DNM2: variants seen among roughly 807,000 people sequenced by gnomAD.
DNM2 encodes the protein dynamin 2, also known as dynamin-2.
In DNM2, 15 loss-of-function variants were observed where a neutral mutation model predicts 99.0. The observed-to-expected ratio is 0.15, with a 90% CI of 0.10 to 0.23. The LOEUF is 0.23. Ranked by LOEUF, DNM2 falls within the 10% of genes least tolerant of loss-of-function variation. The probability of loss-of-function intolerance (pLI) is 1.00; values close to 1 mark genes in which losing one functional copy is unlikely to be tolerated. For synonymous variants in DNM2, 525 were observed against 481.2 expected, an observed-to-expected ratio of 1.09 and a Z score of -1.19; for missense variants, 742 against 1,189.4, an observed-to-expected ratio of 0.62 and a Z score of 5.53.
intron 7 of DNM2, among the ~76,000 whole-genome samples, chr19:10,790,309 G>GTTTGT (rs1423850219): frequency 1.3e-5 from 2 of 151,954 alleles, no homozygotes. Context: ...TTGTTTGTTT[G>GTTTGT]TTTGTTTTTG....
At chr19:10,806,503 A>G (rs1314843255) in intron 13 of DNM2, among the ~76,000 whole-genome samples, 1 of 152,138 alleles carries the variant, frequency 6.6e-6, no homozygotes, top group African/African-American at 2.4e-5. Context: ...TTAAAAATTA[A>G]TAATAGGCTG....
At chr19:10,829,680 G>A (rs2073266572) in intron 19 of DNM2, among the ~76,000 whole-genome samples, 1 of 152,172 alleles carries the variant, frequency 6.6e-6, no homozygotes, top group African/African-American at 2.4e-5. Flanking sequence ...GTTGTCCATT[G>A]AGGCCGTCGG....
At chr19:10,731,696 T>A (rs920983679) in intron 1 of DNM2, among the ~76,000 whole-genome samples, 6 of 152,172 alleles carry the variant, frequency 3.9e-5, no homozygotes, top group Admixed American at 3.9e-4. Flanking sequence ...GGACAGTGAC[T>A]GAGAGAGGCC....
Position 10,812,980 on chromosome 19 carries a change from G to A in DNM2, c.1671+603G>A, listed in dbSNP as rs1599604446. On this transcript the variant is annotated intron_variant, in intron 15 of 20. Transcript: ENST00000389253. This position sits in a 1 kb window ranked among gnomAD's most constrained non-coding sequence, Gnocchi z 4.0. ...CCTCCAGTGCCACTGTGACTGCCCC[G>A]TGCTCAAGAGAAGGGGCCATGCCCA... Among the ~76,000 whole-genome samples, 4 of 152,218 alleles carry A rather than the reference G, an allele frequency of 2.6e-5. No individual in the cohort carries two copies. The East Asian group carries it at 7.7e-4, about 29-fold the overall frequency.
chr19:10,802,207 C>T, intron 11 of DNM2, 81 bp from the exon 12 acceptor site: 2 of 1,496,418 alleles, frequency 1.3e-6, no homozygotes, highest in South Asian at 1.1e-5. Flanking sequence ...TCCCTGCTGG[C>T]AAGGCCAGGA....
chr19:10,736,169 G>A (rs1599443518), intron 1 of DNM2, among the ~76,000 whole-genome samples: 1 of 151,634 alleles, frequency 6.6e-6, no homozygotes, highest in East Asian at 1.9e-4. Flanking sequence ...GGAGACTGAG[G>A]CAGGAGAATC....
chr19:10,812,637 A>C lies in DNM2; in HGVS notation c.1671+260A>C, dbSNP rs930349299. 6.6e-6 allele frequency among the ~76,000 whole-genome samples: 1 copy of C among 152,166 alleles called. No homozygotes were observed. Among genetic ancestry groups the C allele is most frequent in the African/African-American group, 2.4e-5 (1 of 41,422 alleles). On this transcript the variant is annotated intron_variant, in intron 15 of 20. Coordinates refer to ENST00000389253, the MANE Select transcript of DNM2 (RefSeq NM_001005361.3). This position sits in a 1 kb window ranked among gnomAD's most constrained non-coding sequence, Gnocchi z 4.0. ...CCCCGTCTCTACTAAAATTGCAAAA[A>C]TTAGCCAGGAGTGGTGGCACGCGCC...
At chr19:10,752,424 A>C (rs1267926036) in intron 1 of DNM2, among the ~76,000 whole-genome samples, 1 of 152,186 alleles carries the variant, frequency 6.6e-6, no homozygotes, top group Non-Finnish European at 1.5e-5. Context: ...CCGTTGTCTG[A>C]GCTGGGCGCT....
intron 5 of DNM2, among the ~76,000 whole-genome samples, chr19:10,779,245 C>G (rs1052441734): frequency 5.3e-5 from 8 of 150,972 alleles, no homozygotes; most frequent in Non-Finnish European, 1.0e-4. Context: ...ATTTTTCAAG[C>G]ATTTTATTTT....
At chr19:10,736,320 CCTAGGCTGGTTTCAAACTA>C (rs1381092522) in intron 1 of DNM2, among the ~76,000 whole-genome samples, 1 of 151,880 alleles carries the variant, frequency 6.6e-6, no homozygotes, top group African/African-American at 2.4e-5. Context: ...CACAATGTTG[CCTAGGCTGGTTTCAAACTA>C]CTGGGCTGGT....
chr19:10,774,654 G>A (rs1467518436), intron 3 of DNM2, among the ~76,000 whole-genome samples: 11 of 150,992 alleles, frequency 7.3e-5, no homozygotes, highest in Non-Finnish European at 1.5e-4. Context: ...TCGAACTCCC[G>A]ACCTCAGGTG....
At chr19:10,759,601 C>A in intron 1 of DNM2, 137 bp from the exon 2 acceptor site, 1 of 1,000,904 alleles carries the variant, frequency 1.0e-6, no homozygotes, top group Non-Finnish European at 1.6e-6. Flanking sequence ...GAGCATTCCC[C>A]AGGGCCCAGC....
chr19:10,726,275 G>A (rs2069114449), intron 1 of DNM2, among the ~76,000 whole-genome samples: 1 of 151,478 alleles, frequency 6.6e-6, no homozygotes, highest in African/African-American at 2.4e-5. Context: ...TGCTCAGTTT[G>A]GTGTCAAACT....
rs147025725 is a variant in DNM2, at chr19:10,797,274, C to A, written c.1197-106C>A. On this transcript the variant is annotated intron_variant, in intron 9 of 20. Coordinates refer to ENST00000389253, the MANE Select transcript of DNM2 (RefSeq NM_001005361.3). ...CAGGCTCCCCCATGCATGGACTAAT[C>A]AGATGACTCTCGTTTCTTCTCTTCT... 4.4e-4 allele frequency: 665 copies of A among 1,506,324 alleles called. 6 individuals carry two copies. The African/African-American group carries it at 7.9e-3, about 18-fold the overall frequency. The allele number at this position is 1,506,324 out of a possible 1,614,324, so 93.3% of individuals were successfully genotyped here.
chr19:10,745,621 C>G (rs1330155798), intron 1 of DNM2, among the ~76,000 whole-genome samples: 1 of 152,158 alleles, frequency 6.6e-6, no homozygotes, highest in African/African-American at 2.4e-5. Flanking sequence ...CGCTTCAGCC[C>G]AGGAGTTTGA....
At chr19:10,782,844 G>A in intron 5 of DNM2, 116 bp from the exon 6 acceptor site, 1 of 1,404,848 alleles carries the variant, frequency 7.1e-7, no homozygotes, top group Non-Finnish European at 1.0e-6. Context: ...TGTTATGACA[G>A]CTGTGAGTGC....
At position 10,797,494 on chromosome 19, in the gene DNM2, G is replaced by A. The variant is rs142134806; in HGVS notation, c.1311G>A (p.Thr437=). 32 of 1,484,100 alleles carry A rather than the reference G, an allele frequency of 2.2e-5. No individual in the cohort carries two copies. Among genetic ancestry groups the A allele is most frequent in the African/African-American group, 5.9e-5 (3 of 50,754 alleles). The allele number at this position is 1,484,100 out of a possible 1,614,324, so 91.9% of individuals were successfully genotyped here. The change falls in exon 10 of 21, where the codon ACG becomes ACA. Residue 437 remains threonine (T), a synonymous_variant. Coordinates refer to ENST00000389253, the MANE Select transcript of DNM2 (RefSeq NM_001005361.3). ...ATCTCGTGGTCTCAGAGCTGGCCAC[G>A]GTCATAAAAAAGTGTGCCGAGAAGG... ...CVDLVVSELA[T]VIKKCAEKLS... is the part of the protein sequence containing the mutation.
At chr19:10,742,481 A>T (rs2069789639) in intron 1 of DNM2, among the ~76,000 whole-genome samples, 1 of 152,154 alleles carries the variant, frequency 6.6e-6, no homozygotes, top group Non-Finnish European at 1.5e-5. Context: ...CTGTTATCCC[A>T]ATTTCATAGA....
Position 10,796,340 on chromosome 19 carries a change from C to G in DNM2, c.1196+901C>G. ...CTTTGTGTCCGTGAACTTGGCCTCT[C>G]CCCAGAGGCTGGGGCAGGAGCATGT... On this transcript the variant is annotated intron_variant, in intron 9 of 20. Coordinates refer to ENST00000389253, the MANE Select transcript of DNM2 (RefSeq NM_001005361.3). The surrounding 1 kb of genome is among the most constrained non-coding windows in gnomAD (Gnocchi z 5.6). The G allele has an allele frequency of 3.1e-6, 4 of 1,302,018 alleles. No homozygotes were observed. The highest frequency in any genetic ancestry group is 3.3e-6 in the Non-Finnish European group (3 of 919,306). The allele number at this position is 1,302,018 out of a possible 1,614,324, so 80.7% of individuals were successfully genotyped here.
Sources: allele counts gnomAD v4.1 joint callset (sites outside exome capture counted in the v4.1 genomes callset), GRCh38; gene constraint gnomAD v4.1.1; non-coding constraint Gnocchi (gnomAD v3.1); transcripts MANE v1.5; gene names NCBI Gene and HGNC (gene_info 2026-07-23, HGNC 2026-07-21).